TXLNB: variants seen among roughly 807,000 people sequenced by gnomAD.
TXLNB encodes beta-taxilin.
Under a neutral mutation model 57.4 loss-of-function variants are expected in TXLNB, and 37 were observed. The observed-to-expected ratio is 0.64, with a 90% CI of 0.50 to 0.85. The LOEUF (loss-of-function observed/expected upper bound fraction) is 0.85. Ranked by LOEUF, TXLNB falls within the 40% of genes least tolerant of loss-of-function variation. The pLI, the probability that TXLNB is intolerant of heterozygous loss-of-function variation, is 0.00. For missense variants in TXLNB, 848 were observed against 825.6 expected (o/e 1.03, Z -0.33); for synonymous variants, 302 against 309.6 (o/e 0.98, Z 0.26).
At chr6:139,280,680 T>C (rs1198493986) in intron 2 of TXLNB, among the ~76,000 whole-genome samples, 2 of 152,020 alleles carry the variant, frequency 1.3e-5, no homozygotes, top group Non-Finnish European at 2.9e-5. Flanking sequence ...TCCAAAATTT[T>C]TTTTTTAGAA....
the TXLNB span, among the ~76,000 whole-genome samples, chr6:139,207,445 G>T: frequency 6.6e-6 from 1 of 152,240 alleles, no homozygotes; most frequent in East Asian, 1.9e-4. Context: ...TGATAATAGT[G>T]ACACAACTTA....
In TXLNB at chr6:139,270,979, G is replaced by A. The variant is rs116736746; in HGVS notation, c.517-353C>T. ...TCTGTAAACTGCCAGAGTTCATGAC[G>A]ATGCCTTGCATTGAGGCAATGATCT... On this transcript the variant is annotated intron_variant, in intron 3 of 9. Coordinates refer to ENST00000358430, the MANE Select transcript of TXLNB (RefSeq NM_153235.4). 1.9e-3 allele frequency among the ~76,000 whole-genome samples: 293 copies of A among 152,244 alleles called. 1 individual carries two copies. Among genetic ancestry groups the A allele is most frequent in the African/African-American group, 6.6e-3 (274 of 41,552 alleles).
At chr6:139,228,526 C>CAAAAAA in the TXLNB span, among the ~76,000 whole-genome samples, 1 of 44,298 alleles carries the variant, frequency 2.3e-5, no homozygotes, top group Non-Finnish European at 5.1e-5. Context: ...AACTCCATCT[C>CAAAAAA]AAAAAAAAAA....
In TXLNB at chr6:139,242,354, G is replaced by A; in HGVS notation, c.*172C>T. The stretch of plus-strand genomic sequence containing the variant: ...AAAACCTTCAAATCAGCTATAAATT[G>A]ACAACAAATAGCAAAGTCTGAATGA... On this transcript the variant is annotated 3_prime_UTR_variant, in exon 10 of 10. Transcript: ENST00000358430. The A allele has an allele frequency of 2.0e-6, 1 of 491,374 alleles. No individual in the cohort carries two copies. The highest frequency in any genetic ancestry group is 3.2e-6 in the Non-Finnish European group (1 of 309,014). 30.4% of individuals were successfully genotyped at this position (491,374 alleles called of 1,614,324 possible).
At chr6:139,214,154 AG>A in the TXLNB span, among the ~76,000 whole-genome samples, 2 of 152,196 alleles carry the variant, frequency 1.3e-5, no homozygotes, top group Non-Finnish European at 2.9e-5. Context: ...CTGATACCAA[AG>A]CCTGGCAGAG....
chr6:139,210,885 T>C, the TXLNB span, among the ~76,000 whole-genome samples: 1 of 152,244 alleles, frequency 6.6e-6, no homozygotes, highest in African/African-American at 2.4e-5. Flanking sequence ...CACTCATTAC[T>C]AGCGCAGCAG....
the TXLNB span, among the ~76,000 whole-genome samples, chr6:139,210,647 T>G: frequency 6.6e-6 from 1 of 152,204 alleles, no homozygotes. Flanking sequence ...GGACAGTGGG[T>G]GCAGTGCACC....
chr6:139,310,914 C>T, the TXLNB span, among the ~76,000 whole-genome samples: 1 of 152,162 alleles, frequency 6.6e-6, no homozygotes. Context: ...AGGTGGATCT[C>T]GAACTCCTGA....
the TXLNB span, among the ~76,000 whole-genome samples, chr6:139,318,316 A>G: frequency 4.6e-5 from 7 of 151,680 alleles, no homozygotes; most frequent in Admixed American, 3.9e-4. Context: ...GAACTGCTAA[A>G]TAAGAAATAT....
downstream of TXLNB, among the ~76,000 whole-genome samples, chr6:139,238,442 C>T (rs1775860923): frequency 6.6e-6 from 1 of 151,994 alleles, no homozygotes; most frequent in African/African-American, 2.4e-5. Context: ...TCAATGGGAC[C>T]AGAATTAAAC....
At chr6:139,275,996 G>T (rs1181148701) in intron 3 of TXLNB, among the ~76,000 whole-genome samples, 5 of 152,190 alleles carry the variant, frequency 3.3e-5, no homozygotes, top group Admixed American at 6.5e-5. Context: ...GTAAGTGAAA[G>T]AATTTTTGTT....
chr6:139,225,110 T>G, the TXLNB span, among the ~76,000 whole-genome samples: 2 of 152,092 alleles, frequency 1.3e-5, no homozygotes, highest in African/African-American at 4.8e-5. Context: ...ACACAGAAAA[T>G]GCATTTGACA....
At chr6:139,184,754 T>A in the TXLNB span, among the ~76,000 whole-genome samples, 1 of 152,348 alleles carries the variant, frequency 6.6e-6, no homozygotes, top group African/African-American at 2.4e-5. Flanking sequence ...TTCCTCTAGG[T>A]GTGTTTAATT....
the TXLNB span, among the ~76,000 whole-genome samples, chr6:139,187,793 AG>A: frequency 6.6e-6 from 1 of 152,208 alleles, no homozygotes; most frequent in African/African-American, 2.4e-5. Flanking sequence ...GGTTAAGGAA[AG>A]GTTGATTGAG....
chr6:139,231,392 C>T, the TXLNB span, among the ~76,000 whole-genome samples: 1 of 152,116 alleles, frequency 6.6e-6, no homozygotes, highest in African/African-American at 2.4e-5. Context: ...GTGCTCTGAT[C>T]TGGAGCAGAC....
chr6:139,272,049 C>G (rs2114571506), intron 3 of TXLNB, among the ~76,000 whole-genome samples: 2 of 152,292 alleles, frequency 1.3e-5, no homozygotes, highest in South Asian at 2.1e-4. Context: ...TGGCTCATGC[C>G]TGTAATCCCT....
chr6:139,279,893 C>T (rs1777000120), intron 2 of TXLNB, among the ~76,000 whole-genome samples: 1 of 152,182 alleles, frequency 6.6e-6, no homozygotes. Flanking sequence ...GTGGAACCAC[C>T]TGTGTAGCAG....
chr6:139,247,457 T>C (rs1776092315), intron 8 of TXLNB, among the ~76,000 whole-genome samples: 1 of 151,794 alleles, frequency 6.6e-6, no homozygotes. Flanking sequence ...TTTGTTTTTT[T>C]TTTTTTAATT....
chr6:139,220,424 T>A, the TXLNB span, among the ~76,000 whole-genome samples: 1 of 152,236 alleles, frequency 6.6e-6, no homozygotes, highest in African/African-American at 2.4e-5. Flanking sequence ...GCTAGTACTT[T>A]AGTTTATGGG....
Sources: allele counts gnomAD v4.1 joint callset (sites outside exome capture counted in the v4.1 genomes callset), GRCh38; gene constraint gnomAD v4.1.1; transcripts MANE v1.5; gene names NCBI Gene and HGNC (gene_info 2026-07-23, HGNC 2026-07-21).